The following ZC3H12B variants were observed in gnomAD, a reference collection of about 807,000 sequenced individuals.
ZC3H12B encodes the protein probable ribonuclease ZC3H12B.
ZC3H12B carries 7 observed loss-of-function variants against 43.9 expected under a neutral mutation model. That is an observed-to-expected ratio of 0.16 (90% confidence interval 0.09 to 0.30). The LOEUF (loss-of-function observed/expected upper bound fraction) is 0.30. Among genes scored for constraint, ZC3H12B ranks in the 10% least tolerant of loss-of-function variants. ZC3H12B has a pLI of 1.00. For synonymous variants in ZC3H12B, 222 were observed against 241.7 expected, an observed-to-expected ratio of 0.92 and a Z score of 0.76; for missense variants, 475 against 670.2, an observed-to-expected ratio of 0.71 and a Z score of 3.22.
At chrX:65,352,923 C>G in the ZC3H12B span, among the ~76,000 whole-genome samples, 1 of 111,702 alleles carries the variant, frequency 9.0e-6, no homozygotes, top group African/African-American at 3.3e-5. Flanking sequence ...TCATGGCTCA[C>G]TGCAGCCTTG....
the ZC3H12B span, among the ~76,000 whole-genome samples, chrX:65,280,015 A>G: frequency 2.7e-5 from 3 of 112,503 alleles, no homozygotes; most frequent in Admixed American, 9.4e-5. Flanking sequence ...AATATTCCAA[A>G]AAACTGAAGC....
chrX:65,266,682 C>A, the ZC3H12B span, among the ~76,000 whole-genome samples: 1 of 111,435 alleles, frequency 9.0e-6, no homozygotes, highest in Non-Finnish European at 1.9e-5. Flanking sequence ...ATGCAAGTTG[C>A]TACTGCCAGA....
chrX:65,151,186 A>G, the ZC3H12B span, among the ~76,000 whole-genome samples: 1 of 112,164 alleles, frequency 8.9e-6, no homozygotes, highest in African/African-American at 3.2e-5. Flanking sequence ...CTTTTTCAGT[A>G]GAATATTTCA....
the ZC3H12B span, among the ~76,000 whole-genome samples, chrX:65,290,978 T>C: frequency 1.8e-4 from 20 of 111,724 alleles, no homozygotes; most frequent in Non-Finnish European, 3.2e-4. Context: ...TATTTGATTT[T>C]GGTGATGGAC....
At chrX:65,379,838 A>C (rs762269215) in intron 2 of ZC3H12B, among the ~76,000 whole-genome samples, 1 of 112,593 alleles carries the variant, frequency 8.9e-6, no homozygotes, top group South Asian at 3.7e-4. Context: ...GATGTGATCA[A>C]CTGGAAGAAA....
chrX:65,202,068 A>AC, the ZC3H12B span, among the ~76,000 whole-genome samples: 1 of 81,839 alleles, frequency 1.2e-5, no homozygotes, highest in Non-Finnish European at 2.1e-5. Context: ...TATGTAATAT[A>AC]TATATTACAT....
the ZC3H12B span, among the ~76,000 whole-genome samples, chrX:65,232,388 C>T: frequency 1.8e-5 from 2 of 111,427 alleles, no homozygotes; most frequent in African/African-American, 6.5e-5. Flanking sequence ...GGGTCCCTGA[C>T]TTCCCGCAAC....
the ZC3H12B span, among the ~76,000 whole-genome samples, chrX:65,321,430 G>C: frequency 2.7e-5 from 3 of 111,779 alleles, no homozygotes; most frequent in Non-Finnish European, 3.8e-5. Flanking sequence ...AGAGGAAAAG[G>C]AATGCTTGTA....
At chrX:65,193,316 A>G in the ZC3H12B span, among the ~76,000 whole-genome samples, 1 of 110,898 alleles carries the variant, frequency 9.0e-6, no homozygotes, top group African/African-American at 3.3e-5. Flanking sequence ...CTTCGATCTC[A>G]TTACTTGTTA....
chrX:65,233,531 T>TA, the ZC3H12B span, among the ~76,000 whole-genome samples: 8,585 of 96,573 alleles, frequency 0.089, 1,022 homozygotes, highest in African/African-American at 0.3. Context: ...AGAAGAAAAT[T>TA]AAAAAAAAAA....
chrX:65,388,321 T>A (rs2066560019), intron 2 of ZC3H12B, among the ~76,000 whole-genome samples: 1 of 112,100 alleles, frequency 8.9e-6, no homozygotes. Context: ...CCCATATTTC[T>A]TGGAGGCTTT....
At chrX:65,302,143 C>T in the ZC3H12B span, among the ~76,000 whole-genome samples, 12,199 of 110,759 alleles carry the variant, frequency 0.11, 1,615 homozygotes, top group African/African-American at 0.37. Context: ...GTAACCACTA[C>T]TCTTCAATGT....
intron 3 of ZC3H12B, among the ~76,000 whole-genome samples, chrX:65,410,293 C>T (rs1415276637): frequency 9.0e-6 from 1 of 111,341 alleles, no homozygotes; most frequent in Non-Finnish European, 1.9e-5. Flanking sequence ...CCCTGCGTCT[C>T]ACCATGTACA....
the ZC3H12B span, among the ~76,000 whole-genome samples, chrX:65,344,542 T>C: frequency 8.9e-6 from 1 of 112,168 alleles, no homozygotes; most frequent in Non-Finnish European, 1.9e-5. Flanking sequence ...ACTAGAACCA[T>C]TTCTTACACC....
chrX:65,217,715 A>G, the ZC3H12B span, among the ~76,000 whole-genome samples: 83 of 112,277 alleles, frequency 7.4e-4, no homozygotes, highest in African/African-American at 2.5e-3. Flanking sequence ...AAGATGAAAT[A>G]ATTACTGAGC....
At chrX:65,294,529 C>T in the ZC3H12B span, among the ~76,000 whole-genome samples, 1 of 111,039 alleles carries the variant, frequency 9.0e-6, no homozygotes, top group Non-Finnish European at 1.9e-5. Flanking sequence ...TGTTGAATGC[C>T]CTAAATGCTC....
the ZC3H12B span, among the ~76,000 whole-genome samples, chrX:65,306,772 A>G: frequency 8.9e-6 from 1 of 112,402 alleles, no homozygotes. Context: ...AAATAACCCA[A>G]AAGTCTATTA....
At chrX:65,213,798 C>T in the ZC3H12B span, among the ~76,000 whole-genome samples, 1 of 109,062 alleles carries the variant, frequency 9.2e-6, no homozygotes, top group Non-Finnish European at 1.9e-5. Context: ...TACAGGCATA[C>T]CTTAGGGATA....
the ZC3H12B span, among the ~76,000 whole-genome samples, chrX:65,326,092 C>G: frequency 9.0e-6 from 1 of 111,287 alleles, no homozygotes; most frequent in African/African-American, 3.3e-5. Flanking sequence ...AACTACAAAA[C>G]CCATTAGAAG....
Sources: gnomAD v4.1 joint callset for allele counts (sites outside exome capture counted in the v4.1 genomes callset) on GRCh38, gnomAD v4.1.1 for gene constraint, MANE v1.5 for transcripts, NCBI Gene and HGNC (gene_info 2026-07-23, HGNC 2026-07-21) for gene names.